SPDYE5: variants seen among roughly 807,000 people sequenced by gnomAD.
SPDYE5 encodes the protein speedy protein E5.
In SPDYE5, 15 loss-of-function variants were observed where a neutral mutation model predicts 48.5. That is an observed-to-expected ratio of 0.31 (90% CI 0.21 to 0.48). The LOEUF (loss-of-function observed/expected upper bound fraction) is 0.48, where lower values mean the gene tolerates loss of function less well. Among genes scored for constraint, SPDYE5 ranks in the 20% least tolerant of loss-of-function variants. The pLI is 0.99. For missense variants in SPDYE5, 331 were observed against 549.1 expected, an observed-to-expected ratio of 0.60 and a Z score of 3.97; for synonymous variants, 116 against 200.7, an observed-to-expected ratio of 0.58 and a Z score of 3.57.
chr7:75,501,796 C>T (rs782737241), intron 7 of SPDYE5, 41 bp downstream of exon 7: 11 of 1,611,088 alleles, frequency 6.8e-6, no homozygotes, highest in African/African-American at 1.3e-5. Context: ...GGGGAGGAAT[C>T]GGGTGGGCTG....
At chr7:75,498,686 A>T (rs1793033643) in intron 5 of SPDYE5, among the ~76,000 whole-genome samples, 1 of 152,162 alleles carries the variant, frequency 6.6e-6, no homozygotes, top group Non-Finnish European at 1.5e-5. Flanking sequence ...TTGGGCTCAC[A>T]TGATCCTCCT....
intron 4 of SPDYE5, among the ~76,000 whole-genome samples, chr7:75,497,466 CAAAT>C (rs1554482755): frequency 6.7e-6 from 1 of 150,160 alleles, no homozygotes. Flanking sequence ...AAATAAAAAT[CAAAT>C]AAAGAAAAAC....
Position 75,503,089 on chromosome 7 carries a change from C to T in SPDYE5, c.*302C>T. The stretch of plus-strand genomic sequence containing the variant: ...TTTCCAGTTCCACCCTTTCCTGCAG[C>T]ACCACCACCCTTTCTATATTGCTGA... On this transcript the variant is annotated 3_prime_UTR_variant, in exon 9 of 9. Coordinates refer to ENST00000625065, the MANE Select transcript of SPDYE5 (RefSeq NM_001306141.4). 3.8e-6 allele frequency: 2 copies of T among 524,746 alleles called. No homozygotes were observed. The highest frequency in any genetic ancestry group is 7.2e-6 in the Non-Finnish European group (2 of 279,240). 32.5% of individuals were successfully genotyped at this position (524,746 alleles called of 1,614,324 possible). A position where few individuals can be genotyped will look rare whatever the true frequency, so the allele number is the denominator to read the frequency against.
At position 75,494,106 on chromosome 7, in the gene SPDYE5, C is replaced by A; in HGVS notation, c.59C>A (p.Thr20Asn). Reference sequence around the variant, plus strand: ...GGACAGATTACGGAAAAGATCACGACCAGCCGTCAACCGCAACCCCAGAAT... The same window carrying A: ...GGACAGATTACGGAAAAGATCACGAACAGCCGTCAACCGCAACCCCAGAAT... ...KRGQITEKITTSRQPQPQNEQ... is the reference protein window; with the variant it reads ...KRGQITEKITNSRQPQPQNEQ... The change falls in exon 2 of 9, where the codon ACC becomes AAC. Residue 20 changes from threonine (T) to asparagine (N), a missense_variant. Physicochemically the swap from Thr to Asn is moderately conservative, Grantham distance 65 (BLOSUM62 0). Around this residue, in one of 8 missense-constraint regions of SPDYE5, gnomAD observed 67 missense variants for 55.7 expected, o/e 1.20. Coordinates refer to ENST00000625065, the MANE Select transcript of SPDYE5 (RefSeq NM_001306141.4). 6.5e-7 allele frequency: 1 copy of A among 1,535,240 alleles called. No homozygotes were observed. The highest frequency in any genetic ancestry group is 2.4e-5 in the East Asian group (1 of 40,886).
At chr7:75,496,539 C>G (rs1792940426) in intron 3 of SPDYE5, 135 bp from the exon 4 acceptor site, 1 of 1,161,832 alleles carries the variant, frequency 8.6e-7, no homozygotes, top group African/African-American at 1.6e-5. Context: ...AGGAGACAGA[C>G]AGAAGGAAAG....
rs377713975 is a variant in SPDYE5 at position 75,501,428 on chromosome 7, T to C, written c.822T>C (p.Tyr274=). The stretch of plus-strand genomic sequence containing the variant: ...AACAAAACATCTTCCACTTCCTGTA[T>C]GGGAAGAACCGCTCTCGCATACCCT... ...DSKQNIFHFL[Y]GKNRSRIPLL... is the part of the protein sequence containing the mutation. The change falls in exon 7 of 9, where the codon TAT becomes TAC. Residue 274 remains tyrosine, a synonymous_variant. Transcript: ENST00000625065. 3.7e-6 allele frequency: 6 copies of C among 1,612,886 alleles called. No homozygotes were observed. The African/African-American group carries it at 5.3e-5, about 14-fold the overall frequency.
chr7:75,501,495 C>T lies in SPDYE5; in HGVS notation c.889C>T (p.Pro297Ser), dbSNP rs375989398. Residue 297 changes from proline to serine, a missense_variant, in exon 7 of 9, where the codon CCG becomes TCG. Physicochemically the swap from Pro to Ser is moderately conservative, Grantham distance 74. Around this residue, in one of 8 missense-constraint regions of SPDYE5, gnomAD observed 70 missense variants for 87.6 expected, o/e 0.80. Transcript: ENST00000625065. ...GTTCCAGTTAGGCCGTTCCATGAAC[C>T]CGAGGGCCAGGAAGAAGCGCTCTCG... ...RWFQLGRSMN[P>S]RARKKRSRIP... The T allele has an allele frequency of 8.8e-6, 13 of 1,478,894 alleles. 1 individual carries two copies. The East Asian group carries it at 3.5e-4, about 40-fold the overall frequency. 91.6% of individuals were successfully genotyped at this position (1,478,894 alleles called of 1,614,324 possible).
At chr7:75,498,863 TG>T (rs1324735270) in intron 5 of SPDYE5, among the ~76,000 whole-genome samples, 1 of 151,848 alleles carries the variant, frequency 6.6e-6, no homozygotes, top group Non-Finnish European at 1.5e-5. Flanking sequence ...ATCTGAGCTC[TG>T]GGCCACAGTC....
rs781914966 is a variant in SPDYE5 at position 75,494,132 on chromosome 7, G to A, written c.85G>A (p.Glu29Lys). 132 of 1,535,452 alleles carry A rather than the reference G, an allele frequency of 8.6e-5. 1 individual carries two copies. Among genetic ancestry groups the A allele is most frequent in the Admixed American group, 5.7e-4 (29 of 50,978 alleles). ...CAGCCGTCAACCGCAACCCCAGAAT[G>A]AGCAGAGTCCCCAGCGGAGCACCTC... ...TTSRQPQPQNEQSPQRSTSGY... is the reference protein window; with the variant it reads ...TTSRQPQPQNKQSPQRSTSGY... The change falls in exon 2 of 9, where the codon GAG (glutamate) becomes AAG (lysine). Residue 29 changes from glutamate (E) to lysine (K), a missense_variant. This residue lies in a region of SPDYE5 where 67 missense variants were observed against 55.7 expected (regional missense o/e 1.20). Coordinates refer to ENST00000625065, the MANE Select transcript of SPDYE5 (RefSeq NM_001306141.4).
intron 6 of SPDYE5, among the ~76,000 whole-genome samples, chr7:75,499,541 C>T (rs1181847892): frequency 3.3e-5 from 5 of 151,982 alleles, no homozygotes; most frequent in African/African-American, 7.2e-5. Flanking sequence ...CCGAGGCAGG[C>T]GGATCACCTG....
At position 75,503,769 on chromosome 7, in the gene SPDYE5, A is replaced by T. The variant is rs1793231579; in HGVS notation, c.*982A>T. 2 of 149,426 alleles carry T rather than the reference A, an allele frequency of 1.3e-5. No homozygotes were observed. Among genetic ancestry groups the T allele is most frequent in the Non-Finnish European group, 3.0e-5 (2 of 67,442 alleles). The allele number at this position is 149,426 out of a possible 1,614,324, so 9.3% of individuals were successfully genotyped here. The stretch of plus-strand genomic sequence containing the variant: ...AAAACATGGGTATAGAATTATTTAA[A>T]TATTATTTTATTTATTGAAATATTT... On this transcript the variant is annotated 3_prime_UTR_variant, in exon 9 of 9. Coordinates refer to ENST00000625065, the MANE Select transcript of SPDYE5 (RefSeq NM_001306141.4).
At chr7:75,499,564 C>T (rs1284922568) in intron 6 of SPDYE5, among the ~76,000 whole-genome samples, 3 of 151,896 alleles carry the variant, frequency 2.0e-5, no homozygotes, top group South Asian at 2.1e-4. Flanking sequence ...GTCAGCAGTT[C>T]GAGACCAGCC....
At chr7:75,499,759 T>A (rs191647415) in intron 6 of SPDYE5, among the ~76,000 whole-genome samples, 4,337 of 105,532 alleles carry the variant, frequency 0.041, 101 homozygotes, top group Non-Finnish European at 0.061. Context: ...AGAGTGAGAC[T>A]TTTTCTCAAA....
chr7:75,498,898 G>A (rs1793040718), intron 5 of SPDYE5, among the ~76,000 whole-genome samples: 1 of 151,824 alleles, frequency 6.6e-6, no homozygotes, highest in South Asian at 2.1e-4. Flanking sequence ...GAAGCTCCTG[G>A]CCCCTCTACT....
Position 75,496,738 on chromosome 7 carries a change from G to A in SPDYE5, c.444G>A (p.Trp148Ter). Reference sequence around the variant, plus strand: ...GCTGGAAAAGGAAGATGGAGTGGTGGGACGAATCTGAGGAGTCGTTGGAGG... The same window carrying A: ...GCTGGAAAAGGAAGATGGAGTGGTGAGACGAATCTGAGGAGTCGTTGGAGG... ...SFCWKRKMEWWDESEESLEEE... is the reference protein window; with the variant it reads ...SFCWKRKMEW Residue 148 changes from tryptophan to a stop codon, truncating the protein, a stop_gained, in exon 4 of 9, where the codon TGG (tryptophan) becomes TGA (stop). Coordinates refer to ENST00000625065, the MANE Select transcript of SPDYE5 (RefSeq NM_001306141.4). LOFTEE classifies it high-confidence loss of function. 2 of 1,591,594 alleles carry A rather than the reference G, an allele frequency of 1.3e-6. No homozygotes were observed. Among genetic ancestry groups the A allele is most frequent in the East Asian group, 4.5e-5 (2 of 44,714 alleles).
chr7:75,494,228 A>C lies in SPDYE5; in HGVS notation c.160+21A>C, dbSNP rs1265218641. 5.9e-6 allele frequency: 9 copies of C among 1,534,402 alleles called. No homozygotes were observed. The African/African-American group carries it at 1.2e-4, about 21-fold the overall frequency. On this transcript the variant is annotated intron_variant, in intron 2 of 8. Transcript: ENST00000625065. ...ATCAGGTGAGGGGACTGGTGGAAGA[A>C]GAGGTGGGATAGGATTGACTAAGAC... is the stretch of plus-strand genomic sequence containing the variant.
Position 75,494,064 on chromosome 7 carries a change from C to T in SPDYE5, c.17C>T (p.Thr6Ile), listed in dbSNP as rs1554482092. The T allele has an allele frequency of 1.3e-6, 2 of 1,532,966 alleles. No homozygotes were observed. The highest frequency in any genetic ancestry group is 1.7e-6 in the Non-Finnish European group (2 of 1,146,276). 95.0% of individuals were successfully genotyped at this position (1,532,966 alleles called of 1,614,324 possible). A position where few individuals can be genotyped will look rare whatever the true frequency, so the allele number is the denominator to read the frequency against. The stretch of plus-strand genomic sequence containing the variant: ...AAGAAGGCCATGGACAGAACGGAGA[C>T]TAGGTTCCGTAAGAGGGGACAGATT... MDRTE[T>I]RFRKRGQITE... The change falls in exon 2 of 9, where the codon ACT becomes ATT. Residue 6 changes from threonine to isoleucine, a missense_variant. Thr to Ile is a moderately conservative substitution (Grantham distance 89). Around this residue, in one of 8 missense-constraint regions of SPDYE5, gnomAD observed 67 missense variants for 55.7 expected, o/e 1.20. Coordinates refer to ENST00000625065, the MANE Select transcript of SPDYE5 (RefSeq NM_001306141.4).
Position 75,493,845 on chromosome 7 carries a change from T to A in SPDYE5, c.-203T>A, listed in dbSNP as rs1233056344. ...ATCAGCCTGGCAGTTACATGTGTTT[T>A]TTTTCAAACTGGTTGCCAGGTTGGC... On this transcript the variant is annotated 5_prime_UTR_variant, in exon 2 of 9. Coordinates refer to ENST00000625065, the MANE Select transcript of SPDYE5 (RefSeq NM_001306141.4). The A allele has an allele frequency of 6.9e-7, 1 of 1,440,360 alleles. No homozygotes were observed. The highest frequency in any genetic ancestry group is 2.5e-5 in the East Asian group (1 of 40,034). 89.2% of individuals were successfully genotyped at this position (1,440,360 alleles called of 1,614,324 possible).
intron 4 of SPDYE5, among the ~76,000 whole-genome samples, chr7:75,497,595 G>T (rs1464488701): frequency 7.2e-6 from 1 of 138,166 alleles, no homozygotes. Context: ...CAAGGCCATG[G>T]TCACACCCTG....
Sources: allele counts gnomAD v4.1 joint callset (sites outside exome capture counted in the v4.1 genomes callset), GRCh38; gene constraint gnomAD v4.1.1; regional missense constraint gnomAD v4.1.1; transcripts MANE v1.5; gene names NCBI Gene and HGNC (gene_info 2026-07-23, HGNC 2026-07-21).